LVRN: variants seen among roughly 807,000 people sequenced by gnomAD.
LVRN encodes the protein laeverin, also known as aminopeptidase Q.
In LVRN, 99 loss-of-function variants were observed where a neutral mutation model predicts 111.4. That is an observed-to-expected ratio of 0.89 (90% CI 0.76 to 1.05). The LOEUF (loss-of-function observed/expected upper bound fraction) is 1.05, where lower values mean the gene tolerates loss of function less well. LVRN is among the 50% of genes least tolerant of loss of function. The probability of loss-of-function intolerance (pLI) is 0.00; values close to 1 mark genes in which losing one functional copy is unlikely to be tolerated. For missense variants in LVRN, 1,414 were observed against 1,206.8 expected (o/e 1.17, Z -2.54); for synonymous variants, 488 against 449.5 (o/e 1.09, Z -1.08).
rs185834754 is a variant in LVRN, at chr5:115,997,211, G to A, written c.1375-2551G>A. On this transcript the variant is annotated intron_variant, in intron 6 of 19. Coordinates refer to ENST00000357872, the MANE Select transcript of LVRN (RefSeq NM_173800.5). ...ATTTTCGGACGGCAACTGAGTTTCA[G>A]AGAGATAAAGTTGGTGGTCTTTGAT... Among the ~76,000 whole-genome samples, 5 of 152,268 alleles carry A rather than the reference G, an allele frequency of 3.3e-5. No homozygotes were observed. The East Asian group carries it at 9.7e-4, about 29-fold the overall frequency.
intron 2 of LVRN, 129 bp downstream of exon 2, chr5:115,983,558 A>T (rs1460111181): frequency 9.6e-7 from 1 of 1,041,592 alleles, no homozygotes. Context: ...AATTAGGTAG[A>T]GCAGTCACCT....
At position 116,000,449 on chromosome 5, in the gene LVRN, G is replaced by A. The variant is rs761417631; in HGVS notation, c.1532G>A (p.Arg511Gln). ...FTYSKGASMA[R>Q]MLSCFLNEHL... is the part of the protein sequence containing the mutation. ...TTGTCCTAGGGAGCGTCTATGGCCCGGATGCTTTCTTGTTTCTTGAATGAG... is the reference window on the plus strand; with the variant it reads ...TTGTCCTAGGGAGCGTCTATGGCCCAGATGCTTTCTTGTTTCTTGAATGAG... The change falls in exon 8 of 20, where the codon CGG (arginine) becomes CAG (glutamine). Residue 511 changes from arginine (R) to glutamine (Q), a missense_variant. Coordinates refer to ENST00000357872, the MANE Select transcript of LVRN (RefSeq NM_173800.5). 80 of 1,613,968 alleles carry A rather than the reference G, an allele frequency of 5.0e-5. 1 individual carries two copies. The Middle Eastern group carries it at 5.6e-3, about 113-fold the overall frequency.
intron 14 of LVRN, among the ~76,000 whole-genome samples, chr5:116,011,169 G>C (rs1040160550): frequency 1.1e-4 from 16 of 149,540 alleles, no homozygotes; most frequent in Non-Finnish European, 1.9e-4. Flanking sequence ...GAAACCAGAA[G>C]TGGATGGAAA....
Position 115,984,605 on chromosome 5 carries a change from T to C in LVRN, c.874T>C (p.Trp292Arg). Residue 292 changes from tryptophan (W) to arginine (R), a missense_variant, in exon 3 of 20, where the codon TGG (tryptophan) becomes CGG (arginine). Coordinates refer to ENST00000357872, the MANE Select transcript of LVRN (RefSeq NM_173800.5). Reference protein sequence around the residue: ...SEKEDVNGSKWTVTTFSTTPH... With the variant: ...SEKEDVNGSKRTVTTFSTTPH... ...AAAAGAAGATGTGAATGGAAGCAAA[T>C]GGACTGTTACAACCTTTTCCACTAC... 1 of 1,613,572 alleles carries C rather than the reference T, an allele frequency of 6.2e-7. No homozygotes were observed. The highest frequency in any genetic ancestry group is 8.5e-7 in the Non-Finnish European group (1 of 1,179,720).
At chr5:116,015,585 G>T in intron 17 of LVRN, 43 bp from the exon 18 acceptor site, 1 of 1,575,178 alleles carries the variant, frequency 6.3e-7, no homozygotes, top group East Asian at 2.3e-5. Flanking sequence ...AACTCTTTAT[G>T]TTGGATGTTT....
chr5:115,983,345 G>A lies in LVRN; in HGVS notation c.754G>A (p.Asp252Asn). 1 of 1,611,774 alleles carries A rather than the reference G, an allele frequency of 6.2e-7. No homozygotes were observed. Among genetic ancestry groups the A allele is most frequent in the East Asian group, 2.2e-5 (1 of 44,768 alleles). ...TFARYVFPCF[D>N]EPALKATFNI... ...TGCCAGGTATGTTTTCCCTTGTTTT[G>A]ATGAGCCAGCTCTGAAGGCAACTTT... Residue 252 changes from aspartate (D) to asparagine (N), a missense_variant, in exon 2 of 20, where the codon GAT (aspartate) becomes AAT (asparagine). Transcript: ENST00000357872.
intron 1 of LVRN, among the ~76,000 whole-genome samples, chr5:115,965,228 C>T (rs754219424): frequency 1.3e-5 from 2 of 152,160 alleles, no homozygotes; most frequent in African/African-American, 4.8e-5. Context: ...AAACGCAGAA[C>T]CTGCCAAGTT....
intron 19 of LVRN, among the ~76,000 whole-genome samples, chr5:116,025,370 C>T (rs534322945): frequency 1.3e-5 from 2 of 151,984 alleles, no homozygotes; most frequent in African/African-American, 4.8e-5. Flanking sequence ...AAAAGAGACT[C>T]GGTAAAATGA....
intron 18 of LVRN, chr5:116,021,037 C>T (rs1173956727): frequency 6.6e-6 from 1 of 152,150 alleles, no homozygotes; most frequent in East Asian, 1.9e-4. Flanking sequence ...GATAAATCAT[C>T]TCTGTTTCAA....
chr5:115,999,644 T>C, intron 6 of LVRN, 118 bp from the exon 7 acceptor site: 1 of 1,095,008 alleles, frequency 9.1e-7, no homozygotes, highest in Non-Finnish European at 1.3e-6. Flanking sequence ...AAGACACTTC[T>C]CAATTACTGA....
intron 5 of LVRN, among the ~76,000 whole-genome samples, chr5:115,992,723 G>C (rs916849301): frequency 3.3e-5 from 5 of 152,190 alleles, no homozygotes; most frequent in African/African-American, 1.2e-4. Flanking sequence ...TAATAGATTA[G>C]CAAGGTGGCA....
At chr5:115,976,102 G>A (rs1561555054) in intron 1 of LVRN, 1 of 152,364 alleles carries the variant, frequency 6.6e-6, no homozygotes, top group Non-Finnish European at 1.5e-5. Flanking sequence ...GTGGCTCCCA[G>A]TGACTAGCGG....
At chr5:116,007,260 T>A (rs143753529) in intron 13 of LVRN, among the ~76,000 whole-genome samples, 119 of 152,300 alleles carry the variant, frequency 7.8e-4, no homozygotes, top group African/African-American at 2.8e-3. Context: ...TTCCACCTAA[T>A]CTAAACTCTT....
intron 16 of LVRN, 80 bp downstream of exon 16, chr5:116,014,607 G>A (rs1748560652): frequency 8.8e-7 from 1 of 1,130,260 alleles, no homozygotes; most frequent in Non-Finnish European, 1.3e-6. Flanking sequence ...ACTCACTGTG[G>A]GAATGAGTGT....
chr5:115,975,114 T>G (rs1561554675), intron 1 of LVRN: 1 of 402,236 alleles, frequency 2.5e-6, no homozygotes, highest in Non-Finnish European at 4.8e-6. Context: ...TAGACAAGCA[T>G]GGGCTCTTTC....
Position 115,963,096 on chromosome 5 carries a change from G to A in LVRN, c.479G>A (p.Gly160Glu). The A allele has an allele frequency of 6.2e-7, 1 of 1,613,640 alleles. No individual in the cohort carries two copies. Among genetic ancestry groups the A allele is most frequent in the Non-Finnish European group, 8.5e-7 (1 of 1,179,946 alleles). The part of the protein sequence containing the change: ...FQDCERAEVR[G>E]PLSPGTGNAT... ...GACTGCGAGCGCGCCGAGGTGCGGG[G>A]ACCCCTTTCCCCGGGCACTGGGAAC... Residue 160 changes from glycine (G) to glutamate (E), a missense_variant, in exon 1 of 20, where the codon GGA becomes GAA. Transcript: ENST00000357872.
chr5:115,984,768 A>G (rs904267601), intron 3 of LVRN, 59 bp downstream of exon 3: 2 of 1,595,066 alleles, frequency 1.3e-6, no homozygotes, highest in African/African-American at 1.3e-5. Flanking sequence ...TTATTCATCT[A>G]TTCTTTCTGC....
Position 116,026,512 on chromosome 5 carries a change from T to C in LVRN, c.*394T>C. 3.7e-6 allele frequency: 1 copy of C among 268,430 alleles called. No individual in the cohort carries two copies. Among genetic ancestry groups the C allele is most frequent in the South Asian group, 4.1e-5 (1 of 24,394 alleles). The allele number at this position is 268,430 out of a possible 1,614,324, so 16.6% of individuals were successfully genotyped here. A position where few individuals can be genotyped will look rare whatever the true frequency, so the allele number is the denominator to read the frequency against. On this transcript the variant is annotated 3_prime_UTR_variant, in exon 20 of 20. Transcript: ENST00000357872. ...GGGAAATAACAGTTTTTCCAGGCCC[T>C]AGGGTTTATTTAGTTCAACATTGAA...
chr5:116,000,724 AG>A, intron 9 of LVRN, 66 bp downstream of exon 9: 1 of 1,541,394 alleles, frequency 6.5e-7, no homozygotes. Flanking sequence ...AAAGACTGGG[AG>A]GCCATGGGTG....
Sources: gnomAD v4.1 joint callset for allele counts (sites outside exome capture counted in the v4.1 genomes callset) on GRCh38, gnomAD v4.1.1 for gene constraint, MANE v1.5 for transcripts, NCBI Gene and HGNC (gene_info 2026-07-23, HGNC 2026-07-21) for gene names.